Variants in PIBF1 observed in about 807,000 individuals in gnomAD.
PIBF1 encodes progesterone immunomodulatory binding factor 1.
In PIBF1, 90 loss-of-function variants were observed where a neutral mutation model predicts 112.5. That is an observed-to-expected ratio of 0.80 (90% CI 0.67 to 0.95). The LOEUF is 0.95. Ranked by LOEUF, PIBF1 falls within the 40% of genes least tolerant of loss-of-function variation. The pLI, the probability that PIBF1 is intolerant of heterozygous loss-of-function variation, is 0.00. For synonymous variants in PIBF1, 301 were observed against 288.6 expected, an observed-to-expected ratio of 1.04 and a Z score of -0.44; for missense variants, 915 against 852.3, an observed-to-expected ratio of 1.07 and a Z score of -0.92.
chr13:72,923,531 AGTATT>A (rs1433912272), intron 13 of PIBF1, among the ~76,000 whole-genome samples: 1 of 152,232 alleles, frequency 6.6e-6, no homozygotes, highest in African/African-American at 2.4e-5. Flanking sequence ...ATTACAAAGA[AGTATT>A]GTATCTATTT....
intron 15 of PIBF1, chr13:72,970,765 ATACATAC>A (rs2042867422): frequency 1.3e-5 from 2 of 152,276 alleles, no homozygotes; most frequent in South Asian, 4.1e-4. Context: ...TATTGAGTAA[ATACATAC>A]TAGAAGAAGA....
rs548114824 is a variant in PIBF1, at chr13:72,866,144, G to T, written c.1322+11989G>T. Among the ~76,000 whole-genome samples, 9 of 152,106 alleles carry T rather than the reference G, an allele frequency of 5.9e-5. No individual in the cohort carries two copies. In the South Asian group the frequency reaches 1.9e-3, roughly 32 times the overall value. Reference sequence around the variant, plus strand: ...CTGTCTTCATGTGGCTTTCTCCTTTGTGTGCCTCTTATATGGATATATCTG... The same window carrying T: ...CTGTCTTCATGTGGCTTTCTCCTTTTTGTGCCTCTTATATGGATATATCTG... On this transcript the variant is annotated intron_variant, in intron 10 of 17. Coordinates refer to ENST00000326291, the MANE Select transcript of PIBF1 (RefSeq NM_006346.4).
chr13:72,923,958 C>CT (rs1161700990), intron 13 of PIBF1, among the ~76,000 whole-genome samples: 2 of 152,184 alleles, frequency 1.3e-5, no homozygotes, highest in East Asian at 3.9e-4. Flanking sequence ...GAGCGAAACT[C>CT]TAACTCAAAA....
At position 72,931,202 on chromosome 13, in the gene PIBF1, C is replaced by G. The variant is rs755057588; in HGVS notation, c.1768C>G (p.Gln590Glu). The G allele has an allele frequency of 6.2e-7, 1 of 1,612,926 alleles. No homozygotes were observed. The highest frequency in any genetic ancestry group is 8.5e-7 in the Non-Finnish European group (1 of 1,179,388). Residue 590 changes from glutamine (Q) to glutamate (E), a missense_variant, in exon 14 of 18, where the codon CAA becomes GAA. Gln to Glu is a conservative substitution (Grantham distance 29). Coordinates refer to ENST00000326291, the MANE Select transcript of PIBF1 (RefSeq NM_006346.4). The stretch of plus-strand genomic sequence containing the variant: ...AAGAAGAGTGCTTCAATTAGAAAAA[C>G]AAAACTCGCTGATTTTAAAAGATCT... ...LARRVLQLEK[Q>E]NSLILKDLEH...
At chr13:72,832,328 G>A (rs2037165142) in intron 8 of PIBF1, among the ~76,000 whole-genome samples, 1 of 151,904 alleles carries the variant, frequency 6.6e-6, no homozygotes, top group Non-Finnish European at 1.5e-5. Context: ...TGGTTGTATT[G>A]CCCGTTAGTT....
intron 14 of PIBF1, among the ~76,000 whole-genome samples, chr13:72,952,460 T>C (rs1405697296): frequency 6.6e-6 from 1 of 152,104 alleles, no homozygotes; most frequent in Non-Finnish European, 1.5e-5. Context: ...ATTATTTATC[T>C]AGTATTATCT....
At chr13:72,958,646 G>T (rs913275605) in intron 14 of PIBF1, among the ~76,000 whole-genome samples, 5 of 152,178 alleles carry the variant, frequency 3.3e-5, no homozygotes, top group African/African-American at 1.2e-4. Context: ...AGACCTGCCT[G>T]TAATCCAGCG....
At chr13:72,827,466 C>T (rs958453510) in intron 7 of PIBF1, among the ~76,000 whole-genome samples, 34 of 151,908 alleles carry the variant, frequency 2.2e-4, no homozygotes, top group African/African-American at 6.5e-4. Context: ...CCAGGCTGGT[C>T]GCAAACTCCT....
chr13:72,871,630 C>G (rs1026931061), intron 10 of PIBF1, among the ~76,000 whole-genome samples: 1 of 152,144 alleles, frequency 6.6e-6, no homozygotes, highest in African/African-American at 2.4e-5. Context: ...TAAAAGATTG[C>G]AGTCATGATT....
intron 5 of PIBF1, among the ~76,000 whole-genome samples, chr13:72,816,618 A>G (rs1593961393): frequency 6.6e-6 from 1 of 150,658 alleles, no homozygotes; most frequent in African/African-American, 2.4e-5. Context: ...CCAAGATTGC[A>G]CCACTGCACT....
At chr13:72,953,756 G>A (rs2042366831) in intron 14 of PIBF1, among the ~76,000 whole-genome samples, 1 of 152,148 alleles carries the variant, frequency 6.6e-6, no homozygotes, top group Non-Finnish European at 1.5e-5. Flanking sequence ...GCCTTCAGGT[G>A]TCATAATGGG....
At chr13:72,927,945 GTATATA>G (rs774258929) in intron 13 of PIBF1, among the ~76,000 whole-genome samples, 1 of 87,854 alleles carries the variant, frequency 1.1e-5, no homozygotes, top group Non-Finnish European at 2.1e-5. Context: ...ATATATGTGT[GTATATA>G]TATATATACA....
chr13:72,949,178 A>C (rs987551464), intron 14 of PIBF1, among the ~76,000 whole-genome samples: 10 of 152,172 alleles, frequency 6.6e-5, no homozygotes, highest in Non-Finnish European at 1.2e-4. Context: ...CTAAGTGATT[A>C]AGCTTTTGGA....
At chr13:72,895,315 AAAT>A (rs1164103655) in intron 11 of PIBF1, among the ~76,000 whole-genome samples, 2 of 149,378 alleles carry the variant, frequency 1.3e-5, no homozygotes, top group Non-Finnish European at 3.0e-5. Flanking sequence ...ATTTAAACTT[AAAT>A]AATATTTAAA....
intron 12 of PIBF1, among the ~76,000 whole-genome samples, chr13:72,916,850 A>T (rs1453091561): frequency 6.6e-6 from 1 of 152,254 alleles, no homozygotes; most frequent in East Asian, 1.9e-4. Context: ...ACATGATATG[A>T]TGCAATCCCT....
At chr13:72,802,209 A>G (rs569386644) in intron 5 of PIBF1, among the ~76,000 whole-genome samples, 1 of 152,160 alleles carries the variant, frequency 6.6e-6, no homozygotes, top group Non-Finnish European at 1.5e-5. Flanking sequence ...TGTATCGTCC[A>G]AGGGTCAAGT....
intron 5 of PIBF1, among the ~76,000 whole-genome samples, chr13:72,809,876 A>G (rs1158910595): frequency 6.6e-6 from 1 of 152,178 alleles, no homozygotes; most frequent in African/African-American, 2.4e-5. Context: ...GGCATGAGCC[A>G]CTGCGCTTGG....
intron 16 of PIBF1, among the ~76,000 whole-genome samples, chr13:72,991,840 T>A (rs1474849822): frequency 6.6e-6 from 1 of 151,848 alleles, no homozygotes; most frequent in Non-Finnish European, 1.5e-5. Flanking sequence ...TGCCTCAGCC[T>A]CCCGAGTAGT....
At chr13:72,954,629 C>T (rs913907550) in intron 14 of PIBF1, among the ~76,000 whole-genome samples, 8 of 152,162 alleles carry the variant, frequency 5.3e-5, no homozygotes, top group Admixed American at 1.3e-4. Flanking sequence ...AAGGCCTTCC[C>T]CTGTGGCCTG....
Sources: allele counts gnomAD v4.1 joint callset (sites outside exome capture counted in the v4.1 genomes callset), GRCh38; gene constraint gnomAD v4.1.1; transcripts MANE v1.5; gene names NCBI Gene and HGNC (gene_info 2026-07-23, HGNC 2026-07-21).